The following MICU3 variants were observed in gnomAD, a reference collection of about 807,000 sequenced individuals.
MICU3 encodes the protein mitochondrial calcium uptake 3.
MICU3 carries 62 observed loss-of-function variants against 66.5 expected under a neutral mutation model. The observed-to-expected ratio is 0.93, with a 90% CI of 0.76 to 1.15. The LOEUF (loss-of-function observed/expected upper bound fraction) is 1.15. Among genes scored for constraint, MICU3 ranks in the 50% most tolerant of loss-of-function variants. The pLI, the probability that MICU3 is intolerant of heterozygous loss-of-function variation, is 0.00. For missense variants in MICU3, 779 were observed against 664.4 expected (o/e 1.17, Z -1.90); for synonymous variants, 308 against 240.7 (o/e 1.28, Z -2.59).
At chr8:17,077,587 C>G (rs1585369265) in intron 3 of MICU3, among the ~76,000 whole-genome samples, 196 bp from the exon 4 acceptor site, 1 of 152,136 alleles carries the variant, frequency 6.6e-6, no homozygotes, top group African/African-American at 2.4e-5. Flanking sequence ...GCCTCTTCAT[C>G]ATTTATTTTA....
chr8:17,087,669 T>G (rs1453395733), intron 7 of MICU3, among the ~76,000 whole-genome samples: 1 of 152,036 alleles, frequency 6.6e-6, no homozygotes, highest in Non-Finnish European at 1.5e-5. Context: ...TCCATACATT[T>G]CTGATTTAAG....
At chr8:17,028,223 A>G (rs1248258419) in intron 1 of MICU3, among the ~76,000 whole-genome samples, 1 of 152,342 alleles carries the variant, frequency 6.6e-6, no homozygotes, top group Non-Finnish European at 1.5e-5. Context: ...AAAATTGTTC[A>G]AAAAGAGACA....
chr8:17,136,433 G>T, the MICU3 span, among the ~76,000 whole-genome samples: 1 of 152,088 alleles, frequency 6.6e-6, no homozygotes, highest in Non-Finnish European at 1.5e-5. Context: ...GTTGCACAAA[G>T]ACCCATGTCA....
rs189869442 is a variant in MICU3, at chr8:17,114,858, G to A, written c.1366+657G>A. Among the ~76,000 whole-genome samples, 14 of 152,270 alleles carry A rather than the reference G, an allele frequency of 9.2e-5. No individual in the cohort carries two copies. The East Asian group carries it at 2.5e-3, about 27-fold the overall frequency. On this transcript the variant is annotated intron_variant, in intron 12 of 14. Transcript: ENST00000318063. ...GAGGAGGCCGGGCGCGGTGGCTCAC[G>A]CCTGTAATCCCAGCACTTTGGGAGG...
downstream of MICU3, among the ~76,000 whole-genome samples, chr8:17,124,852 C>T (rs1051286325): frequency 6.6e-6 from 1 of 152,016 alleles, no homozygotes; most frequent in African/African-American, 2.4e-5. Flanking sequence ...AAATCAGATG[C>T]TATATTCTGA....
intron 4 of MICU3, among the ~76,000 whole-genome samples, chr8:17,081,303 T>C (rs746271793): frequency 6.6e-6 from 1 of 152,148 alleles, no homozygotes; most frequent in Non-Finnish European, 1.5e-5. Flanking sequence ...CACTTTACAG[T>C]GTTAATTAAC....
chr8:17,132,812 T>C, the MICU3 span: 1 of 152,210 alleles, frequency 6.6e-6, no homozygotes, highest in Non-Finnish European at 1.5e-5. Context: ...TGAATGTTGG[T>C]GACCTCCCAA....
intron 12 of MICU3, 86 bp from the exon 13 acceptor site, chr8:17,116,357 C>A: frequency 2.3e-6 from 2 of 885,908 alleles, no homozygotes; most frequent in South Asian, 3.7e-5. Flanking sequence ...ATTTAGAAAA[C>A]AACTTCTTTT....
chr8:17,041,091 A>G (rs75402930), intron 1 of MICU3, among the ~76,000 whole-genome samples: 1 of 152,342 alleles, frequency 6.6e-6, no homozygotes, highest in East Asian at 1.9e-4. Flanking sequence ...TCCTTACTAT[A>G]GAAATAGATT....
chr8:17,027,440 C>CGGAGGCGGCAT lies in MICU3; in HGVS notation c.171_181dup (p.Arg61HisfsTer11). 1 of 1,309,736 alleles carries CGGAGGCGGCAT rather than the reference C, an allele frequency of 7.6e-7. No individual in the cohort carries two copies. Among genetic ancestry groups the CGGAGGCGGCAT allele is most frequent in the Non-Finnish European group, 9.7e-7 (1 of 1,034,098 alleles). 81.1% of individuals were successfully genotyped at this position (1,309,736 alleles called of 1,614,324 possible). ...CGAGAGGATGAGGAGAGGGCTGTGG[C>CGGAGGCGGCAT]GGAGGCGGCATGGAGGCGGCGGCGG... is the stretch of plus-strand genomic sequence containing the variant. On this transcript the variant is annotated frameshift_variant, in exon 1 of 15. Transcript: ENST00000318063. LOFTEE classifies it high-confidence loss of function.
At chr8:17,127,041 C>T (rs1280835258), downstream of MICU3, among the ~76,000 whole-genome samples, 4 of 152,088 alleles carry the variant, frequency 2.6e-5, no homozygotes, top group Non-Finnish European at 5.9e-5. Flanking sequence ...TAAAGGTAAG[C>T]ACATTAGTCT....
Position 17,038,617 on chromosome 8 carries a change from C to G in MICU3, c.381+10957C>G, listed in dbSNP as rs1813470463. ...CTGTGAGTAAAATGCTATCAAACAG[C>G]ATCACCTGCTACAGAGAAATTTTTT... On this transcript the variant is annotated intron_variant, in intron 1 of 14. Transcript: ENST00000318063. Among the ~76,000 whole-genome samples, 3 of 152,160 alleles carry G rather than the reference C, an allele frequency of 2.0e-5. No homozygotes were observed. The South Asian group carries it at 6.2e-4, about 31-fold the overall frequency.
At chr8:17,075,789 G>A (rs1421715112) in intron 3 of MICU3, among the ~76,000 whole-genome samples, 1 of 152,034 alleles carries the variant, frequency 6.6e-6, no homozygotes, top group Non-Finnish European at 1.5e-5. Context: ...GCATAATGAG[G>A]ATTGTTTTTA....
At chr8:17,083,257 G>A (rs1821459984) in intron 5 of MICU3, among the ~76,000 whole-genome samples, 1 of 152,072 alleles carries the variant, frequency 6.6e-6, no homozygotes, top group Non-Finnish European at 1.5e-5. Context: ...TCCATCAAGT[G>A]TGGGGTCTGC....
chr8:17,127,059 G>C (rs1585603219), downstream of MICU3, among the ~76,000 whole-genome samples: 1 of 152,296 alleles, frequency 6.6e-6, no homozygotes, highest in Non-Finnish European at 1.5e-5. Flanking sequence ...TCTGCTAGCA[G>C]ATTTTAAACT....
At chr8:17,119,532 C>CATACATAGATAGATAGATAG (rs1554541220) in intron 14 of MICU3, among the ~76,000 whole-genome samples, 2 of 124,100 alleles carry the variant, frequency 1.6e-5, no homozygotes, top group African/African-American at 7.9e-5. Context: ...AAGCTTGAAG[C>CATACATAGATAGATAGATAG]ATAGATAGAT....
At chr8:17,035,895 C>T (rs992298902) in intron 1 of MICU3, among the ~76,000 whole-genome samples, 1 of 152,178 alleles carries the variant, frequency 6.6e-6, no homozygotes, top group Non-Finnish European at 1.5e-5. Flanking sequence ...GGAAGAATGT[C>T]TCTAGGCAAG....
chr8:17,088,686 A>C (rs1426032506), intron 7 of MICU3, among the ~76,000 whole-genome samples: 2 of 151,892 alleles, frequency 1.3e-5, no homozygotes, highest in African/African-American at 4.8e-5. Flanking sequence ...CTTCCAGTAA[A>C]AATACAGTAT....
chr8:17,046,872 G>T (rs1815185528), intron 1 of MICU3, among the ~76,000 whole-genome samples: 1 of 152,014 alleles, frequency 6.6e-6, no homozygotes, highest in Admixed American at 6.6e-5. Flanking sequence ...ACCTCATGTG[G>T]GCTCAGGGTT....
Sources: gnomAD v4.1 joint callset for allele counts (sites outside exome capture counted in the v4.1 genomes callset) on GRCh38, gnomAD v4.1.1 for gene constraint, MANE v1.5 for transcripts, NCBI Gene and HGNC (gene_info 2026-07-23, HGNC 2026-07-21) for gene names.